Variants in RAB2A observed in about 807,000 individuals in gnomAD.
The protein encoded by RAB2A is RAB2A, member RAS oncogene family, also known as ras-related protein Rab-2A.
In RAB2A, 7 loss-of-function variants were observed where a neutral mutation model predicts 32.5. That is an observed-to-expected ratio of 0.22 (90% CI 0.12 to 0.40). The LOEUF (loss-of-function observed/expected upper bound fraction) is 0.40, where lower values mean the gene tolerates loss of function less well. RAB2A is among the 10% of genes least tolerant of loss of function. The pLI, the probability that RAB2A is intolerant of heterozygous loss-of-function variation, is 1.00. For synonymous variants in RAB2A, 79 were observed against 85.2 expected, an observed-to-expected ratio of 0.93 and a Z score of 0.40; for missense variants, 108 against 260.7, an observed-to-expected ratio of 0.41 and a Z score of 4.03.
intron 6 of RAB2A, among the ~76,000 whole-genome samples, chr8:60,605,975 C>T (rs986716469): frequency 2.0e-5 from 3 of 151,922 alleles, no homozygotes; most frequent in Non-Finnish European, 4.4e-5. Context: ...ATGGTGAAAC[C>T]TCATCTGTAC....
intron 3 of RAB2A, among the ~76,000 whole-genome samples, chr8:60,579,197 C>A (rs948461166): frequency 2.0e-5 from 3 of 152,176 alleles, no homozygotes; most frequent in African/African-American, 7.2e-5. Flanking sequence ...CACGTGCCAC[C>A]ACACCTGGCT....
At chr8:60,619,165 T>A (rs1191808536) in intron 7 of RAB2A, 1 of 151,536 alleles carries the variant, frequency 6.6e-6, no homozygotes, top group Non-Finnish European at 1.5e-5. Flanking sequence ...AATTGGCATT[T>A]GGCATAGGGT....
intron 3 of RAB2A, among the ~76,000 whole-genome samples, chr8:60,582,976 T>C (rs144182405): frequency 6.6e-6 from 1 of 152,130 alleles, no homozygotes; most frequent in Non-Finnish European, 1.5e-5. Flanking sequence ...CTCAACAGGC[T>C]TTCTCTGAAT....
At chr8:60,583,492 T>C (rs1803796156) in intron 3 of RAB2A, among the ~76,000 whole-genome samples, 1 of 152,192 alleles carries the variant, frequency 6.6e-6, no homozygotes, top group Non-Finnish European at 1.5e-5. Flanking sequence ...TAAAGATGAC[T>C]TTTACATCCT....
chr8:60,531,792 A>G (rs931526310), intron 1 of RAB2A, among the ~76,000 whole-genome samples: 2 of 139,444 alleles, frequency 1.4e-5, no homozygotes, highest in African/African-American at 5.5e-5. Context: ...GTCATCTTCT[A>G]CCTTGATTTT....
intron 2 of RAB2A, among the ~76,000 whole-genome samples, chr8:60,566,639 A>G (rs1486645498): frequency 6.6e-6 from 1 of 152,092 alleles, no homozygotes; most frequent in Non-Finnish European, 1.5e-5. Flanking sequence ...ATGGGGGTAC[A>G]TGTGCATGTT....
intron 1 of RAB2A, among the ~76,000 whole-genome samples, chr8:60,535,926 A>G (rs1037497466): frequency 6.6e-6 from 1 of 152,166 alleles, no homozygotes; most frequent in Non-Finnish European, 1.5e-5. Context: ...TCCCTGCCCT[A>G]GCTGCTAGGG....
chr8:60,542,374 G>GCCCA (rs1263352804), intron 1 of RAB2A, among the ~76,000 whole-genome samples: 1 of 152,144 alleles, frequency 6.6e-6, no homozygotes, highest in Non-Finnish European at 1.5e-5. Flanking sequence ...AATTAGCCAG[G>GCCCA]CGTGGTGGCA....
chr8:60,531,512 T>G (rs1807475525), intron 1 of RAB2A, among the ~76,000 whole-genome samples: 1 of 152,226 alleles, frequency 6.6e-6, no homozygotes, highest in African/African-American at 2.4e-5. Context: ...AGTGCTTTAT[T>G]AATAGTAATA....
In RAB2A at chr8:60,605,265, G is replaced by C. The variant is rs553095602; in HGVS notation, c.474+13296G>C. ...CAAGAGTTGAGGCTTGGAAACCTCT[G>C]CCTAGATTTCAGAGAATGTATGGAA... On this transcript the variant is annotated intron_variant, in intron 6 of 7. Transcript: ENST00000262646. Among the ~76,000 whole-genome samples, 4 of 152,326 alleles carry C rather than the reference G, an allele frequency of 2.6e-5. No individual in the cohort carries two copies. The East Asian group carries it at 7.7e-4, about 29-fold the overall frequency.
intron 6 of RAB2A, among the ~76,000 whole-genome samples, chr8:60,597,923 G>C (rs966347380): frequency 1.9e-5 from 2 of 103,038 alleles, no homozygotes. Flanking sequence ...ACATAAATGT[G>C]ACAACTTAGA....
chr8:60,521,616 C>A (rs144606174), intron 1 of RAB2A, among the ~76,000 whole-genome samples: 21 of 152,182 alleles, frequency 1.4e-4, no homozygotes, highest in Middle Eastern at 3.4e-3. Context: ...GCTAAAATTG[C>A]AAGCATTTGT....
chr8:60,546,342 G>C (rs1232021499), intron 1 of RAB2A, among the ~76,000 whole-genome samples: 1 of 152,206 alleles, frequency 6.6e-6, no homozygotes, highest in Non-Finnish European at 1.5e-5. Context: ...TGAGGTGCAA[G>C]ACTTGACCAA....
intron 6 of RAB2A, among the ~76,000 whole-genome samples, chr8:60,594,578 A>AC (rs1243365600): frequency 6.6e-6 from 1 of 152,132 alleles, no homozygotes; most frequent in Non-Finnish European, 1.5e-5. Context: ...GGTTTGCTGC[A>AC]CCCACCAAGT....
Position 60,556,220 on chromosome 8 carries a change from G to A in RAB2A, c.47-2632G>A, listed in dbSNP as rs190393229. On this transcript the variant is annotated intron_variant, in intron 1 of 7. Coordinates refer to ENST00000262646, the MANE Select transcript of RAB2A (RefSeq NM_002865.3). ...GGTATTAGAGGCCGGGAAGGGTAGG[G>A]GAAAGGTGAGGATAGGGAGTGGTTG... Among the ~76,000 whole-genome samples, 23 of 152,234 alleles carry A rather than the reference G, an allele frequency of 1.5e-4. No individual in the cohort carries two copies. The East Asian group carries it at 3.9e-3, about 26-fold the overall frequency.
At chr8:60,587,851 CAAA>C (rs1184736645) in intron 5 of RAB2A, among the ~76,000 whole-genome samples, 2 of 152,000 alleles carry the variant, frequency 1.3e-5, no homozygotes, top group African/African-American at 4.8e-5. Context: ...ATGTATCTGA[CAAA>C]GGATTTATAT....
intron 1 of RAB2A, among the ~76,000 whole-genome samples, chr8:60,550,188 C>G (rs1807823985): frequency 6.6e-6 from 1 of 152,216 alleles, no homozygotes; most frequent in Non-Finnish European, 1.5e-5. Flanking sequence ...TCCCATCTCA[C>G]TGAACTTTCT....
At chr8:60,589,174 C>T (rs1441562605) in intron 5 of RAB2A, among the ~76,000 whole-genome samples, 2 of 151,996 alleles carry the variant, frequency 1.3e-5, no homozygotes, top group African/African-American at 4.8e-5. Flanking sequence ...CAATTTTTTC[C>T]TTGTGGCTGA....
At chr8:60,574,193 C>A (rs140752904) in intron 3 of RAB2A, among the ~76,000 whole-genome samples, 2 of 152,064 alleles carry the variant, frequency 1.3e-5, no homozygotes, top group African/African-American at 2.4e-5. Flanking sequence ...CCTTTTTGAC[C>A]CCCATCGGAA....
Sources: gnomAD v4.1 joint callset for allele counts (sites outside exome capture counted in the v4.1 genomes callset) on GRCh38, gnomAD v4.1.1 for gene constraint, MANE v1.5 for transcripts, NCBI Gene and HGNC (gene_info 2026-07-23, HGNC 2026-07-21) for gene names.